Variants in SLC25A21 observed in about 807,000 individuals in gnomAD.
SLC25A21 encodes the protein mitochondrial 2-oxodicarboxylate carrier.
Under a neutral mutation model 43.8 loss-of-function variants are expected in SLC25A21, and 47 were observed. The ratio of observed to expected loss-of-function variants is 1.07; its 90% CI spans 0.85 to 1.37. The LOEUF (loss-of-function observed/expected upper bound fraction) is 1.37, where lower values mean the gene tolerates loss of function less well. Ranked by LOEUF, SLC25A21 falls within the 40% of genes most tolerant of loss-of-function variation. The pLI is 0.00. For synonymous variants in SLC25A21, 131 were observed against 121.3 expected, an observed-to-expected ratio of 1.08 and a Z score of -0.52; for missense variants, 352 against 350.2, an observed-to-expected ratio of 1.00 and a Z score of -0.04.
chr14:37,053,951 C>T lies in SLC25A21; in HGVS notation c.70+118330G>A, dbSNP rs537303881. Among the ~76,000 whole-genome samples the T allele has an allele frequency of 3.3e-5, 5 of 152,296 alleles. No individual in the cohort carries two copies. The South Asian group carries it at 6.2e-4, about 19-fold the overall frequency. Reference sequence around the variant, plus strand: ...AAACTGGTTGCCTTAGAACTATAAACGTGGTAGACTAAAAATGGCCACAAA... The same window carrying T: ...AAACTGGTTGCCTTAGAACTATAAATGTGGTAGACTAAAAATGGCCACAAA... On this transcript the variant is annotated intron_variant, in intron 1 of 9. Transcript: ENST00000331299.
chr14:36,842,162 A>G (rs1296983294), intron 2 of SLC25A21, among the ~76,000 whole-genome samples: 1 of 152,186 alleles, frequency 6.6e-6, no homozygotes, highest in Non-Finnish European at 1.5e-5. Context: ...CATCTGATTC[A>G]ATGATAAACT....
chr14:36,894,095 A>G (rs1402112014), intron 1 of SLC25A21, among the ~76,000 whole-genome samples: 1 of 152,192 alleles, frequency 6.6e-6, no homozygotes, highest in Non-Finnish European at 1.5e-5. Flanking sequence ...TGGTAGCTTG[A>G]TGGGGATGGC....
At chr14:37,091,865 C>T (rs375862548) in intron 1 of SLC25A21, among the ~76,000 whole-genome samples, 3 of 152,286 alleles carry the variant, frequency 2.0e-5, no homozygotes, top group East Asian at 1.9e-4. Flanking sequence ...CAGTGACTCA[C>T]GCCTGTAATC....
chr14:36,907,355 TGG>T (rs1891563245), intron 1 of SLC25A21, among the ~76,000 whole-genome samples: 1 of 152,164 alleles, frequency 6.6e-6, no homozygotes, highest in African/African-American at 2.4e-5. Context: ...TTTTGTTGGT[TGG>T]TTGGTTGGTT....
At position 37,166,495 on chromosome 14, in the gene SLC25A21, G is replaced by A. The variant is rs149008013; in HGVS notation, c.70+5786C>T. The stretch of plus-strand genomic sequence containing the variant: ...TATGGCATGTTCATTATTCCCCTGC[G>A]CATCAGTTTCTTCGTCTGTAAGTGG... On this transcript the variant is annotated intron_variant, in intron 1 of 9. Coordinates refer to ENST00000331299, the MANE Select transcript of SLC25A21 (RefSeq NM_030631.4). 2.7e-4 allele frequency among the ~76,000 whole-genome samples: 41 copies of A among 152,298 alleles called. 2 individuals are homozygous for A. The highest frequency in any genetic ancestry group is 7.0e-4 in the African/African-American group (29 of 41,570).
chr14:36,698,743 G>C (rs145666728), intron 7 of SLC25A21, among the ~76,000 whole-genome samples: 1 of 152,104 alleles, frequency 6.6e-6, no homozygotes, highest in Middle Eastern at 3.4e-3. Flanking sequence ...TGAAGTTCTC[G>C]TGCCATGGTT....
intron 1 of SLC25A21, among the ~76,000 whole-genome samples, chr14:36,875,206 T>C (rs1210829848): frequency 6.6e-6 from 1 of 152,156 alleles, no homozygotes; most frequent in African/African-American, 2.4e-5. Flanking sequence ...TGTGAGCGAG[T>C]ACTTTCTTAC....
chr14:36,793,533 C>CAAAAAAAAAAAAAAAAAAACAAAAA (rs35553282), intron 3 of SLC25A21, among the ~76,000 whole-genome samples: 1 of 125,936 alleles, frequency 7.9e-6, no homozygotes, highest in Admixed American at 8.1e-5. Context: ...AAAATACAAC[C>CAAAAAAAAAAAAAAAAAAACAAAAA]AAAAAAAAAA....
intron 1 of SLC25A21, among the ~76,000 whole-genome samples, chr14:36,923,142 A>G (rs187067250): frequency 3.9e-5 from 6 of 152,288 alleles, no homozygotes; most frequent in Admixed American, 3.9e-4. Flanking sequence ...AGGAGAAAAA[A>G]GAAAAAGACC....
chr14:36,943,607 T>C (rs1892617557), intron 1 of SLC25A21, among the ~76,000 whole-genome samples: 1 of 152,194 alleles, frequency 6.6e-6, no homozygotes, highest in Non-Finnish European at 1.5e-5. Flanking sequence ...TCTGAGTCCC[T>C]GCCCTGCTGC....
intron 3 of SLC25A21, among the ~76,000 whole-genome samples, chr14:36,754,043 C>G (rs996382805): frequency 3.3e-5 from 5 of 151,666 alleles, no homozygotes; most frequent in African/African-American, 1.2e-4. Flanking sequence ...GAAACTTTTA[C>G]CTGATTCTAT....
chr14:37,067,857 T>G (rs1483135367), intron 1 of SLC25A21, among the ~76,000 whole-genome samples: 1 of 152,164 alleles, frequency 6.6e-6, no homozygotes, highest in Non-Finnish European at 1.5e-5. Flanking sequence ...CAAAAATAAT[T>G]TAAAAGGATA....
At chr14:37,153,162 G>A (rs1195601292) in intron 1 of SLC25A21, among the ~76,000 whole-genome samples, 1 of 152,196 alleles carries the variant, frequency 6.6e-6, no homozygotes, top group African/African-American at 2.4e-5. Flanking sequence ...AACACAGGAA[G>A]TTGATGGGAG....
At chr14:36,728,354 C>G (rs1884682281) in intron 5 of SLC25A21, among the ~76,000 whole-genome samples, 1 of 152,184 alleles carries the variant, frequency 6.6e-6, no homozygotes, top group South Asian at 2.1e-4. Flanking sequence ...GACACAAGAA[C>G]AGCCAGCTGG....
intron 3 of SLC25A21, among the ~76,000 whole-genome samples, chr14:36,785,471 C>T (rs192291409): frequency 2.1e-3 from 323 of 152,314 alleles, no homozygotes; most frequent in Non-Finnish European, 3.4e-3. Flanking sequence ...TTTCTCTCAT[C>T]TACCCTGGAG....
chr14:36,873,731 TGATTAGGTTTAA>T (rs1192959805), intron 2 of SLC25A21, among the ~76,000 whole-genome samples: 1 of 151,446 alleles, frequency 6.6e-6, no homozygotes, highest in African/African-American at 2.4e-5. Context: ...CTTTGGGGGG[TGATTAGGTTTAA>T]ATGAGGTCAT....
At chr14:37,085,335 T>C (rs753104847) in intron 1 of SLC25A21, among the ~76,000 whole-genome samples, 2 of 152,198 alleles carry the variant, frequency 1.3e-5, no homozygotes, top group African/African-American at 2.4e-5. Context: ...TTGCTGTTAA[T>C]TCATTAAAGA....
At position 36,680,011 on chromosome 14, in the gene SLC25A21, A is replaced by C; in HGVS notation, c.*647T>G. On this transcript the variant is annotated 3_prime_UTR_variant, in exon 10 of 10. Transcript: ENST00000331299. Reference sequence around the variant, plus strand: ...TTTTAAAATACCTATTTATTATCTTACAGCAATATGAGATATAAAGTAGAT... The same window carrying C: ...TTTTAAAATACCTATTTATTATCTTCCAGCAATATGAGATATAAAGTAGAT... 1.4e-6 allele frequency: 1 copy of C among 714,872 alleles called. No homozygotes were observed. Among genetic ancestry groups the C allele is most frequent in the Non-Finnish European group, 1.7e-6 (1 of 589,656 alleles). The allele number at this position is 714,872 out of a possible 1,614,324, so 44.3% of individuals were successfully genotyped here.
chr14:36,760,947 C>G (rs1643695481), intron 3 of SLC25A21, among the ~76,000 whole-genome samples: 1 of 152,034 alleles, frequency 6.6e-6, no homozygotes, highest in Non-Finnish European at 1.5e-5. Flanking sequence ...TGGTTTTTGC[C>G]TCATTATTAA....
Sources: gnomAD v4.1 joint callset for allele counts (sites outside exome capture counted in the v4.1 genomes callset) on GRCh38, gnomAD v4.1.1 for gene constraint, MANE v1.5 for transcripts, NCBI Gene and HGNC (gene_info 2026-07-23, HGNC 2026-07-21) for gene names.